Variants in PLCB3 observed in about 807,000 individuals in gnomAD.
PLCB3 encodes 1-phosphatidylinositol 4,5-bisphosphate phosphodiesterase beta-3.
Under a neutral mutation model 152.1 loss-of-function variants are expected in PLCB3, and 54 were observed. That is an observed-to-expected ratio of 0.36 (90% CI 0.29 to 0.45). The LOEUF is 0.45. PLCB3 is among the 20% of genes least tolerant of loss of function. PLCB3 has a pLI of 1.00. For synonymous variants in PLCB3, 717 were observed against 698.7 expected (o/e 1.03, Z -0.41); for missense variants, 1,248 against 1,687.5 (o/e 0.74, Z 4.56).
rs996845790 is a variant in PLCB3 at position 64,266,488 on chromosome 11, C to T, written c.3357-7C>T. 7.4e-6 allele frequency: 12 copies of T among 1,613,524 alleles called. No homozygotes were observed. The highest frequency in any genetic ancestry group is 1.6e-4 in the Middle Eastern group (1 of 6,084). ...GCCCCGAGCCATCCTGCGTTGCTCC[C>T]GTGCAGGGAACTGACGGAGATTAAC... On this transcript the variant is annotated splice_region_variant and splice_polypyrimidine_tract_variant and intron_variant, in intron 28 of 30. Coordinates refer to ENST00000279230, the MANE Select transcript of PLCB3 (RefSeq NM_000932.5). The surrounding 1 kb of genome is among the most constrained non-coding windows in gnomAD (Gnocchi z 4.9).
rs375538869 is a variant in PLCB3 at position 64,261,391 on chromosome 11, G to A, written c.1732-9G>A. On this transcript the variant is annotated splice_polypyrimidine_tract_variant and intron_variant, in intron 14 of 30. Coordinates refer to ENST00000279230, the MANE Select transcript of PLCB3 (RefSeq NM_000932.5). ...AATGGCACTGCTGACCCTGGGTTGG[G>A]GCCCACAGGGCACAGCCAGCAGCGA... 6.2e-7 allele frequency: 1 copy of A among 1,610,424 alleles called. No homozygotes were observed. The highest frequency in any genetic ancestry group is 8.5e-7 in the Non-Finnish European group (1 of 1,176,882).
At position 64,255,175 on chromosome 11, in the gene PLCB3, T is replaced by A; in HGVS notation, c.388-59T>A. On this transcript the variant is annotated intron_variant, in intron 4 of 30. Transcript: ENST00000279230. This position sits in a 1 kb window ranked among gnomAD's most constrained non-coding sequence, Gnocchi z 6.8. ...CAGAGGCAGTTGTGGACCTGGGTTGTGGCTGGGCAGCCCCTGTGTCCCCCA... is the reference window on the plus strand; with the variant it reads ...CAGAGGCAGTTGTGGACCTGGGTTGAGGCTGGGCAGCCCCTGTGTCCCCCA... 2 of 1,537,734 alleles carry A rather than the reference T, an allele frequency of 1.3e-6. No individual in the cohort carries two copies. The highest frequency in any genetic ancestry group is 1.8e-6 in the Non-Finnish European group (2 of 1,112,802).
At position 64,263,685 on chromosome 11, in the gene PLCB3, A is replaced by T. The variant is rs2031969508; in HGVS notation, c.2456-6A>T. On this transcript the variant is annotated splice_region_variant and splice_polypyrimidine_tract_variant and intron_variant, in intron 20 of 30. Coordinates refer to ENST00000279230, the MANE Select transcript of PLCB3 (RefSeq NM_000932.5). ...GCAACCCAACGTTGCCTTCCTGACCACCCAGGATACCACTACGTCTGCCTG... is the reference window on the plus strand; with the variant it reads ...GCAACCCAACGTTGCCTTCCTGACCTCCCAGGATACCACTACGTCTGCCTG... 1 of 1,612,374 alleles carries T rather than the reference A, an allele frequency of 6.2e-7. No individual in the cohort carries two copies. Among genetic ancestry groups the T allele is most frequent in the Non-Finnish European group, 8.5e-7 (1 of 1,179,052 alleles).
At chr11:64,257,653 G>T (rs1387613256) in intron 10 of PLCB3, among the ~76,000 whole-genome samples, 1 of 151,682 alleles carries the variant, frequency 6.6e-6, no homozygotes, top group Non-Finnish European at 1.5e-5. Context: ...TAAAAAAGCA[G>T]AAAGGAAGCT....
Position 64,264,055 on chromosome 11 carries a change from C to T in PLCB3, c.2595C>T (p.His865=), listed in dbSNP as rs1192707997. Residue 865 remains histidine (H), a synonymous_variant, in exon 22 of 31, where the codon CAC becomes CAT. Coordinates refer to ENST00000279230, the MANE Select transcript of PLCB3 (RefSeq NM_000932.5). The part of the protein sequence containing the change: ...YAEALINPIK[H]VSLMDQRARQ... Reference sequence around the variant, plus strand: ...AGGCCCTGATCAACCCCATTAAGCACGTCAGCCTGATGGACCAGAGGGCCC... The same window carrying T: ...AGGCCCTGATCAACCCCATTAAGCATGTCAGCCTGATGGACCAGAGGGCCC... 6 of 1,567,130 alleles carry T rather than the reference C, an allele frequency of 3.8e-6. No homozygotes were observed. Among genetic ancestry groups the T allele is most frequent in the South Asian group, 1.2e-5 (1 of 83,950 alleles).
In PLCB3 at chr11:64,255,599, G is replaced by T; in HGVS notation, c.580G>T (p.Gly194Cys). 6 of 1,613,488 alleles carry T rather than the reference G, an allele frequency of 3.7e-6. No homozygotes were observed. Among genetic ancestry groups the T allele is most frequent in the Non-Finnish European group, 5.1e-6 (6 of 1,179,772 alleles). ...KRVETALESC[G>C]LKFNRSESIR... The stretch of plus-strand genomic sequence containing the variant: ...GGTGGAGACTGCGCTGGAATCCTGT[G>T]GCCTCAAATTCAACCGGGTGTGTGG... The change falls in exon 7 of 31, where the codon GGC becomes TGC. Residue 194 changes from glycine (G) to cysteine (C), a missense_variant. Coordinates refer to ENST00000279230, the MANE Select transcript of PLCB3 (RefSeq NM_000932.5). This position sits in a 1 kb window ranked among gnomAD's most constrained non-coding sequence, Gnocchi z 6.8.
chr11:64,263,820 G>A (rs2031977893), intron 21 of PLCB3, 25 bp downstream of exon 21: 3 of 1,585,734 alleles, frequency 1.9e-6, no homozygotes, highest in Non-Finnish European at 2.6e-6. Flanking sequence ...GGCGGGGCCT[G>A]CCTGGCCAGG....
Position 64,261,957 on chromosome 11 carries a change from A to G in PLCB3, c.1919A>G (p.Asn640Ser). Residue 640 changes from asparagine to serine, a missense_variant, in exon 17 of 31, where the codon AAC (asparagine) becomes AGC (serine). Around this residue, in one of 6 missense-constraint regions of PLCB3, gnomAD observed 244 missense variants for 424.4 expected, o/e 0.57. Transcript: ENST00000279230. Reference protein sequence around the residue: ...TKSPMEFVEYNKQQLSRIYPK... With the variant: ...TKSPMEFVEYSKQQLSRIYPK... ...CCCCTGACCACCAATCTCAGATACA[A>G]CAAGCAGCAGCTCAGCCGCATCTAC... 6.2e-7 allele frequency: 1 copy of G among 1,614,110 alleles called. No individual in the cohort carries two copies. The highest frequency in any genetic ancestry group is 8.5e-7 in the Non-Finnish European group (1 of 1,179,982).
chr11:64,256,538 G>T lies in PLCB3; in HGVS notation c.861G>T (p.Glu287Asp). 6.2e-7 allele frequency: 1 copy of T among 1,613,800 alleles called. No homozygotes were observed. Among genetic ancestry groups the T allele is most frequent in the Non-Finnish European group, 8.5e-7 (1 of 1,179,860 alleles). ...ATGAGCCCAACCAGCAGTTTCTGGA[G>T]CGAGGTGAGCTGGCTGGGGTGCAGG... ...EKYEPNQQFL[E>D]RDQMSMEGFS... Residue 287 changes from glutamate (E) to aspartate (D), a missense_variant, in exon 9 of 31, where the codon GAG (glutamate) becomes GAT (aspartate). Around this residue, in one of 6 missense-constraint regions of PLCB3, gnomAD observed 299 missense variants for 434.7 expected, o/e 0.69. Transcript: ENST00000279230.
In PLCB3 at chr11:64,256,997, C is replaced by CTTTTTTTTT. The variant is rs5792316; in HGVS notation, c.1012+249_1012+257dup. On this transcript the variant is annotated intron_variant, in intron 10 of 30. Transcript: ENST00000279230. The stretch of plus-strand genomic sequence containing the variant: ...CTGCAGCAGGAGAGACTTCAGGGTC[C>CTTTTTTTTT]TTTTTTTTTTTTTTTTTTTTTTTTG... Among the ~76,000 whole-genome samples the CTTTTTTTTT allele has an allele frequency of 1.3e-3, 82 of 61,582 alleles. 1 individual carries two copies. Among genetic ancestry groups the CTTTTTTTTT allele is most frequent in the Non-Finnish European group, 1.5e-3 (51 of 34,920 alleles). The allele number at this position is 61,582 out of a possible 152,430, so 40.4% of individuals were successfully genotyped here.
downstream of PLCB3, chr11:64,269,073 ACACTC>A (rs2032293469): frequency 6.6e-6 from 1 of 152,416 alleles, no homozygotes; most frequent in African/African-American, 2.4e-5. Flanking sequence ...ACTGAGGGAC[ACACTC>A]CAAGTCAGTT....
Position 64,262,360 on chromosome 11 carries a change from G to A in PLCB3, c.2039-47G>A, listed in dbSNP as rs148745233. The A allele has an allele frequency of 7.5e-5, 120 of 1,600,700 alleles. 1 individual carries two copies. Among genetic ancestry groups the A allele is most frequent in the Middle Eastern group, 5.0e-4 (3 of 6,032 alleles). On this transcript the variant is annotated intron_variant, in intron 17 of 30. Transcript: ENST00000279230. ...GATCTCCCATTCCCCACATGGCACC[G>A]TCCTGCCTGATCCCTGCCCCTGCTC...
chr11:64,262,727 G>A lies in PLCB3; in HGVS notation c.2274G>A (p.Thr758=), dbSNP rs139487004. The A allele has an allele frequency of 4.1e-5, 66 of 1,613,878 alleles. 1 individual carries two copies. In the South Asian group the frequency reaches 6.5e-4, roughly 16 times the overall value. The part of the protein sequence containing the change: ...EVDMFGLPVD[T]RRKYRTRTSQ... Reference sequence around the variant, plus strand: ...ACATGTTTGGCCTCCCTGTTGATACGCGGCGCAAGTACCGCACCCGGACCT... The same window carrying A: ...ACATGTTTGGCCTCCCTGTTGATACACGGCGCAAGTACCGCACCCGGACCT... Residue 758 remains threonine, a synonymous_variant, in exon 19 of 31, where the codon ACG becomes ACA. Transcript: ENST00000279230.
chr11:64,255,115 C>T lies in PLCB3; in HGVS notation c.387+77C>T. The T allele has an allele frequency of 6.5e-7, 1 of 1,533,232 alleles. No individual in the cohort carries two copies. The highest frequency in any genetic ancestry group is 9.0e-7 in the Non-Finnish European group (1 of 1,109,742). The allele number at this position is 1,533,232 out of a possible 1,614,324, so 95.0% of individuals were successfully genotyped here. On this transcript the variant is annotated intron_variant, in intron 4 of 30. Transcript: ENST00000279230. The surrounding 1 kb of genome is among the most constrained non-coding windows in gnomAD (Gnocchi z 6.8). ...TCGGCCGTCACTTACCGAACACCTG[C>T]TGTGTTCTAGGCTGCTCTGTGACCT...
chr11:64,254,346 G>GT, intron 1 of PLCB3, 69 bp from the exon 2 acceptor site: 1 of 1,276,764 alleles, frequency 7.8e-7, no homozygotes. Flanking sequence ...CATGATGGGA[G>GT]GGCCCCAGGG....
chr11:64,260,045 C>A lies in PLCB3; in HGVS notation c.1542C>A (p.Asp514Glu). The A allele has an allele frequency of 6.2e-7, 1 of 1,611,024 alleles. No homozygotes were observed. The highest frequency in any genetic ancestry group is 1.7e-5 in the Admixed American group (1 of 59,242). ...CCTCTGCAGGGTCTCCCAGCTCTGA[C>A]AGCTGCCCAGGCCTGAGCAATGGGG... The part of the protein sequence containing the change: ...SSPQLGSPSS[D>E]SCPGLSNGEE... Residue 514 changes from aspartate (D) to glutamate (E), a missense_variant, in exon 14 of 31, where the codon GAC becomes GAA. Asp to Glu is a conservative substitution (Grantham distance 45). Around this residue, in one of 6 missense-constraint regions of PLCB3, gnomAD observed 105 missense variants for 100.9 expected, o/e 1.04. Coordinates refer to ENST00000279230, the MANE Select transcript of PLCB3 (RefSeq NM_000932.5).
chr11:64,260,638 T>C (rs1422146128), intron 14 of PLCB3, among the ~76,000 whole-genome samples: 1 of 151,944 alleles, frequency 6.6e-6, no homozygotes, highest in Non-Finnish European at 1.5e-5. Flanking sequence ...CTGGGCGTGG[T>C]GGCTCACACC....
intron 2 of PLCB3, 32 bp from the exon 3 acceptor site, chr11:64,254,716 T>A: frequency 6.2e-7 from 1 of 1,607,728 alleles, no homozygotes; most frequent in Non-Finnish European, 8.5e-7. Context: ...CTGCAGCCTC[T>A]CATACTCAGC....
rs551191340 is a variant in PLCB3 at position 64,255,177 on chromosome 11, G to A, written c.388-57G>A. Reference sequence around the variant, plus strand: ...GAGGCAGTTGTGGACCTGGGTTGTGGCTGGGCAGCCCCTGTGTCCCCCACT... The same window carrying A: ...GAGGCAGTTGTGGACCTGGGTTGTGACTGGGCAGCCCCTGTGTCCCCCACT... On this transcript the variant is annotated intron_variant, in intron 4 of 30. Coordinates refer to ENST00000279230, the MANE Select transcript of PLCB3 (RefSeq NM_000932.5). The surrounding 1 kb of genome is among the most constrained non-coding windows in gnomAD (Gnocchi z 6.8). 23 of 1,538,208 alleles carry A rather than the reference G, an allele frequency of 1.5e-5. No homozygotes were observed. In the South Asian group the frequency reaches 1.9e-4, roughly 13 times the overall value.
Sources: gnomAD v4.1 joint callset for allele counts (sites outside exome capture counted in the v4.1 genomes callset) on GRCh38, gnomAD v4.1.1 for gene constraint, gnomAD v4.1.1 regional missense constraint, Gnocchi (gnomAD v3.1) non-coding constraint, MANE v1.5 for transcripts, NCBI Gene and HGNC (gene_info 2026-07-23, HGNC 2026-07-21) for gene names.